GARS1: variants seen among roughly 807,000 people sequenced by gnomAD.
GARS1 encodes glycine--tRNA ligase.
Under a neutral mutation model 86.4 loss-of-function variants are expected in GARS1, and 46 were observed. That is an observed-to-expected ratio of 0.53 (90% CI 0.42 to 0.68). The LOEUF (loss-of-function observed/expected upper bound fraction) is 0.68, where lower values mean the gene tolerates loss of function less well. Among genes scored for constraint, GARS1 ranks in the 30% least tolerant of loss-of-function variants. The probability of loss-of-function intolerance (pLI) is 0.00; values close to 1 mark genes in which losing one functional copy is unlikely to be tolerated. For synonymous variants in GARS1, 342 were observed against 329.8 expected, an observed-to-expected ratio of 1.04 and a Z score of -0.40; for missense variants, 797 against 915.6, an observed-to-expected ratio of 0.87 and a Z score of 1.67.
chr7:30,622,368 G>A lies in GARS1; in HGVS notation c.1519G>A (p.Ala507Thr), dbSNP rs1403505663. 1 of 1,613,988 alleles carries A rather than the reference G, an allele frequency of 6.2e-7. No individual in the cohort carries two copies. Among genetic ancestry groups the A allele is most frequent in the Non-Finnish European group, 8.5e-7 (1 of 1,179,998 alleles). The change falls in exon 12 of 17, where the codon GCA becomes ACA. Residue 507 changes from alanine (A) to threonine (T), a missense_variant. Transcript: ENST00000389266. ...ACCCAGTAAGGGAGCAATTGGTAAG[G>A]CATATAAGAAGGATGCAAAACTGGT... Reference protein sequence around the residue: ...FEPSKGAIGKAYKKDAKLVME... With the variant: ...FEPSKGAIGKTYKKDAKLVME...
chr7:30,602,980 T>A (rs1429927072), intron 4 of GARS1, 54 bp from the exon 5 acceptor site: 1 of 1,150,380 alleles, frequency 8.7e-7, no homozygotes, highest in African/African-American at 1.5e-5. Flanking sequence ...TAAGGTAATA[T>A]CTATGTGTAA....
intron 13 of GARS1, among the ~76,000 whole-genome samples, chr7:30,628,163 G>T (rs1049553282): frequency 1.3e-5 from 2 of 151,520 alleles, no homozygotes; most frequent in African/African-American, 4.8e-5. Context: ...TATTTTTAGT[G>T]CTAAGAATTT....
intron 2 of GARS1, 23 bp downstream of exon 2, chr7:30,598,920 A>T: frequency 6.4e-7 from 1 of 1,550,610 alleles, no homozygotes; most frequent in Non-Finnish European, 8.9e-7. Context: ...ATGCTAAAAT[A>T]GGAACATAAG....
chr7:30,617,512 G>A (rs1045486203), intron 10 of GARS1, among the ~76,000 whole-genome samples: 7 of 152,168 alleles, frequency 4.6e-5, no homozygotes, highest in Admixed American at 2.0e-4. Flanking sequence ...GGGACAGTGC[G>A]GATGTGTACA....
intron 8 of GARS1, among the ~76,000 whole-genome samples, chr7:30,613,474 G>C (rs1003644389): frequency 6.6e-6 from 1 of 152,240 alleles, no homozygotes; most frequent in African/African-American, 2.4e-5. Flanking sequence ...TGAGGAAGCT[G>C]CGTAAGGCTG....
intron 12 of GARS1, among the ~76,000 whole-genome samples, chr7:30,625,264 C>T (rs1562781441): frequency 6.6e-6 from 1 of 152,098 alleles, no homozygotes; most frequent in Non-Finnish European, 1.5e-5. Flanking sequence ...TCTTTTATAG[C>T]TGTTAACTAT....
At chr7:30,594,865 G>T (rs986033444), upstream of GARS1, 7 of 1,424,990 alleles carry the variant, frequency 4.9e-6, no homozygotes, top group South Asian at 2.5e-5. Context: ...CTCCGAGCCG[G>T]GCGGCGCGCG....
At chr7:30,618,597 G>T (rs959426773) in intron 10 of GARS1, among the ~76,000 whole-genome samples, 1 of 152,170 alleles carries the variant, frequency 6.6e-6, no homozygotes, top group Non-Finnish European at 1.5e-5. Context: ...TTGCACCACT[G>T]AACTCAAGCC....
intron 8 of GARS1, among the ~76,000 whole-genome samples, chr7:30,613,048 A>G (rs957781047): frequency 5.9e-5 from 9 of 152,050 alleles, no homozygotes; most frequent in Admixed American, 3.9e-4. Context: ...GCGCCCACCC[A>G]TTTCCTGTCT....
Position 30,600,300 on chromosome 7 carries a change from T to C in GARS1, c.427+251T>C, listed in dbSNP as rs548351439. On this transcript the variant is annotated intron_variant, in intron 3 of 16. Coordinates refer to ENST00000389266, the MANE Select transcript of GARS1 (RefSeq NM_002047.4). ...AATTGTTGGAGGCCCATGTATGTATTTGATGTGTCTGTGTACTCATGTACT... is the reference window on the plus strand; with the variant it reads ...AATTGTTGGAGGCCCATGTATGTATCTGATGTGTCTGTGTACTCATGTACT... Among the ~76,000 whole-genome samples, 60 of 152,344 alleles carry C rather than the reference T, an allele frequency of 3.9e-4. 1 individual carries two copies. The highest frequency in any genetic ancestry group is 1.4e-3 in the African/African-American group (58 of 41,576).
chr7:30,617,359 T>C (rs1297318240), intron 10 of GARS1, 81 bp downstream of exon 10: 5 of 1,468,404 alleles, frequency 3.4e-6, no homozygotes, highest in South Asian at 2.4e-5. Flanking sequence ...TTGTGCACTT[T>C]ATGTCACAGA....
chr7:30,626,174 T>G, intron 12 of GARS1, 60 bp from the exon 13 acceptor site: 1 of 1,034,376 alleles, frequency 9.7e-7, no homozygotes, highest in East Asian at 2.4e-5. Flanking sequence ...AAAATTCCTT[T>G]AAATTAAGGC....
intron 2 of GARS1, 145 bp downstream of exon 2, chr7:30,599,042 C>T (rs1436257192): frequency 1.4e-6 from 1 of 707,320 alleles, no homozygotes; most frequent in African/African-American, 1.8e-5. Context: ...CTTCTCCTTT[C>T]CCTCTACCTG....
At chr7:30,601,023 A>G (rs1379025548) in intron 3 of GARS1, 36 bp from the exon 4 acceptor site, 7 of 1,607,558 alleles carry the variant, frequency 4.4e-6, no homozygotes, top group Non-Finnish European at 6.0e-6. Context: ...TCAGAGTAAC[A>G]AGGTAAAGTA....
intron 6 of GARS1, among the ~76,000 whole-genome samples, chr7:30,604,704 A>G (rs1791448593): frequency 6.6e-6 from 1 of 152,086 alleles, no homozygotes; most frequent in South Asian, 2.1e-4. Context: ...TTTAGTAATT[A>G]CTCATGGTTT....
chr7:30,603,060 C>T lies in GARS1; in HGVS notation c.596C>T (p.Ala199Val). ...ACCTCTGGCCATGTAGACAAATTTG[C>T]TGACTTCATGGTGAAAGACGTAAAA... Reference protein sequence around the residue: ...LKTSGHVDKFADFMVKDVKNG... With the variant: ...LKTSGHVDKFVDFMVKDVKNG... The change falls in exon 5 of 17, where the codon GCT (alanine) becomes GTT (valine). Residue 199 changes from alanine to valine, a missense_variant. Transcript: ENST00000389266. 1 of 1,613,762 alleles carries T rather than the reference C, an allele frequency of 6.2e-7. No individual in the cohort carries two copies. Among genetic ancestry groups the T allele is most frequent in the Non-Finnish European group, 8.5e-7 (1 of 1,179,778 alleles).
intron 1 of GARS1, chr7:30,595,678 C>T: frequency 2.2e-6 from 1 of 447,262 alleles, no homozygotes; most frequent in Non-Finnish European, 4.6e-6. Flanking sequence ...CCCTTAACAT[C>T]TTCCTTCATT....
chr7:30,602,521 A>G (rs748994379), intron 4 of GARS1, among the ~76,000 whole-genome samples: 2 of 152,252 alleles, frequency 1.3e-5, no homozygotes, highest in African/African-American at 2.4e-5. Context: ...TGATGGCTCT[A>G]TAAGATCAGG....
At chr7:30,610,245 A>G (rs534338445) in intron 7 of GARS1, among the ~76,000 whole-genome samples, 8 of 152,366 alleles carry the variant, frequency 5.3e-5, no homozygotes, top group Admixed American at 3.3e-4. Flanking sequence ...AAATTTAAAT[A>G]GACATCTGCC....
Sources: allele counts gnomAD v4.1 joint callset (sites outside exome capture counted in the v4.1 genomes callset), GRCh38; gene constraint gnomAD v4.1.1; transcripts MANE v1.5; gene names NCBI Gene and HGNC (gene_info 2026-07-23, HGNC 2026-07-21).